The following PDE1C variants were observed in gnomAD, a reference collection of about 807,000 sequenced individuals.
PDE1C encodes phosphodiesterase 1C.
PDE1C carries 62 observed loss-of-function variants against 93.1 expected under a neutral mutation model. That is an observed-to-expected ratio of 0.67 (90% confidence interval 0.54 to 0.82). PDE1C has a LOEUF of 0.82. PDE1C is among the 40% of genes least tolerant of loss of function. PDE1C has a pLI of 0.00. For synonymous variants in PDE1C, 325 were observed against 310.1 expected, an observed-to-expected ratio of 1.05 and a Z score of -0.50; for missense variants, 742 against 884.6, an observed-to-expected ratio of 0.84 and a Z score of 2.04.
intron 2 of PDE1C, among the ~76,000 whole-genome samples, chr7:31,993,634 A>G (rs1784400072): frequency 6.6e-6 from 1 of 152,204 alleles, no homozygotes; most frequent in Admixed American, 6.5e-5. Context: ...GAGTCTCATA[A>G]AATCTTGCAG....
At chr7:32,165,201 A>C (rs1802157800) in intron 3 of PDE1C, among the ~76,000 whole-genome samples, 1 of 152,194 alleles carries the variant, frequency 6.6e-6, no homozygotes, top group Non-Finnish European at 1.5e-5. Flanking sequence ...GTAGGCTTCA[A>C]GGGCATGTAA....
chr7:31,644,870 C>G, the PDE1C span, among the ~76,000 whole-genome samples: 1 of 152,192 alleles, frequency 6.6e-6, no homozygotes, highest in Non-Finnish European at 1.5e-5. Flanking sequence ...TGAAGTGGAA[C>G]CACGATTTAC....
chr7:31,877,328 A>G (rs1796716888), intron 5 of PDE1C, among the ~76,000 whole-genome samples: 1 of 152,174 alleles, frequency 6.6e-6, no homozygotes, highest in Non-Finnish European at 1.5e-5. Flanking sequence ...ACTAGAGGTA[A>G]TTCTGCAGGA....
At chr7:31,835,834 A>AAC (rs140217867) in intron 11 of PDE1C, among the ~76,000 whole-genome samples, 7 of 151,882 alleles carry the variant, frequency 4.6e-5, no homozygotes, top group Admixed American at 2.0e-4. Flanking sequence ...TCAGAAGGAA[A>AAC]ACACACACAC....
chr7:31,717,744 A>G, the PDE1C span, among the ~76,000 whole-genome samples: 1 of 152,198 alleles, frequency 6.6e-6, no homozygotes, highest in Non-Finnish European at 1.5e-5. Flanking sequence ...ATTCATAGTA[A>G]TGAATACTTC....
intron 2 of PDE1C, among the ~76,000 whole-genome samples, chr7:32,050,348 C>G (rs1793178625): frequency 6.6e-6 from 1 of 151,996 alleles, no homozygotes; most frequent in Non-Finnish European, 1.5e-5. Flanking sequence ...AGAGTCATAG[C>G]TAAGTTTAAA....
chr7:31,879,154 C>T lies in PDE1C; in HGVS notation c.267G>A (p.Glu89=), dbSNP rs760789343. The T allele has an allele frequency of 1.2e-6, 2 of 1,613,880 alleles. No homozygotes were observed. Among genetic ancestry groups the T allele is most frequent in the Middle Eastern group, 1.6e-4 (1 of 6,062 alleles). ...ETRRLLDTED[E]LSDIQSDAVP... Reference sequence around the variant, plus strand: ...CAGCATCTGACTGAATGTCACTGAGCTCATCCTCTGTATCCAGGAGTCTCC... The same window carrying T: ...CAGCATCTGACTGAATGTCACTGAGTTCATCCTCTGTATCCAGGAGTCTCC... Residue 89 remains glutamate (E), a synonymous_variant, in exon 4 of 18, where the codon GAG becomes GAA. Transcript: ENST00000396191.
At chr7:31,755,547 G>A (rs1212045816) in intron 17 of PDE1C, among the ~76,000 whole-genome samples, 1 of 149,306 alleles carries the variant, frequency 6.7e-6, no homozygotes, top group Non-Finnish European at 1.5e-5. Context: ...GAAGCATCTT[G>A]TAGAGCCAGA....
intron 15 of PDE1C, among the ~76,000 whole-genome samples, chr7:31,814,125 T>G (rs1787919646): frequency 6.6e-6 from 1 of 151,820 alleles, no homozygotes; most frequent in Non-Finnish European, 1.5e-5. Context: ...TCTTTATCCA[T>G]TCATGGATTG....
chr7:31,713,120 G>A, the PDE1C span, among the ~76,000 whole-genome samples: 6 of 152,270 alleles, frequency 3.9e-5, no homozygotes, highest in South Asian at 1.0e-3. Flanking sequence ...TCTCATCTGG[G>A]ACAAGGCAAG....
At chr7:32,255,113 C>T (rs1253848586) in intron 1 of PDE1C, among the ~76,000 whole-genome samples, 1 of 152,192 alleles carries the variant, frequency 6.6e-6, no homozygotes, top group Non-Finnish European at 1.5e-5. Flanking sequence ...ACATTGATAA[C>T]AAGAGGTCCC....
At chr7:32,335,050 C>A (rs215645) in intron 1 of PDE1C, among the ~76,000 whole-genome samples, 145,215 of 152,326 alleles carry the variant, frequency 0.95, 69,414 homozygotes, top group East Asian at 1. Context: ...TCATTTTGCC[C>A]ATGCATGTGA....
chr7:31,782,023 G>A (rs1484333987), intron 16 of PDE1C, among the ~76,000 whole-genome samples: 3 of 152,284 alleles, frequency 2.0e-5, no homozygotes, highest in Non-Finnish European at 2.9e-5. Flanking sequence ...AATTTGTCCA[G>A]TGGAGATATT....
rs1794219030 is a variant in PDE1C, at chr7:31,753,167, T to C, written c.*217A>G. 2.4e-6 allele frequency: 1 copy of C among 412,734 alleles called. No individual in the cohort carries two copies. Among genetic ancestry groups the C allele is most frequent in the Non-Finnish European group, 4.2e-6 (1 of 240,728 alleles). The allele number at this position is 412,734 out of a possible 1,614,324, so 25.6% of individuals were successfully genotyped here. On this transcript the variant is annotated 3_prime_UTR_variant, in exon 18 of 18. Coordinates refer to ENST00000396191, the MANE Select transcript of PDE1C (RefSeq NM_001191057.4). ...CCCTCTTGCTAGTTTGTTGCTGGCG[T>C]CTGGGCTGATCCCACATACAGCAAT...
At chr7:32,137,815 A>G (rs142399751) in intron 3 of PDE1C, among the ~76,000 whole-genome samples, 2 of 152,196 alleles carry the variant, frequency 1.3e-5, no homozygotes, top group African/African-American at 2.4e-5. Flanking sequence ...CTTCCCTCCA[A>G]TTCTCTTTGA....
At chr7:31,823,692 G>T (rs1006520418) in intron 13 of PDE1C, among the ~76,000 whole-genome samples, 1 of 152,010 alleles carries the variant, frequency 6.6e-6, no homozygotes, top group South Asian at 2.1e-4. Flanking sequence ...CCCCTGCAAG[G>T]GTCTTTCTGA....
chr7:32,149,665 T>C (rs1336321254), intron 3 of PDE1C, among the ~76,000 whole-genome samples: 1 of 152,154 alleles, frequency 6.6e-6, no homozygotes, highest in Non-Finnish European at 1.5e-5. Flanking sequence ...GGGCGGGTTA[T>C]AATGGTAAAT....
chr7:32,275,188 A>C (rs1442445392), intron 1 of PDE1C, among the ~76,000 whole-genome samples: 2 of 152,188 alleles, frequency 1.3e-5, no homozygotes, highest in Non-Finnish European at 2.9e-5. Context: ...CTATGTAAAA[A>C]TGTTCTCTTT....
intron 1 of PDE1C, among the ~76,000 whole-genome samples, chr7:32,230,683 C>A (rs1465422899): frequency 6.6e-6 from 1 of 152,058 alleles, no homozygotes; most frequent in Admixed American, 6.5e-5. Context: ...CCAGAGTCCA[C>A]CCCTTTTCCT....
Sources: gnomAD v4.1 joint callset for allele counts (sites outside exome capture counted in the v4.1 genomes callset) on GRCh38, gnomAD v4.1.1 for gene constraint, MANE v1.5 for transcripts, NCBI Gene and HGNC (gene_info 2026-07-23, HGNC 2026-07-21) for gene names.